The following ARAP2 variants were observed in gnomAD, a reference collection of about 807,000 sequenced individuals.
ARAP2 encodes ArfGAP with RhoGAP domain, ankyrin repeat and PH domain 2.
In ARAP2, 148 loss-of-function variants were observed where a neutral mutation model predicts 194.5. The observed-to-expected ratio is 0.76, with a 90% CI of 0.67 to 0.87. The LOEUF is 0.87. Among genes scored for constraint, ARAP2 ranks in the 40% least tolerant of loss-of-function variants. The pLI, the probability that ARAP2 is intolerant of heterozygous loss-of-function variation, is 0.00. For synonymous variants in ARAP2, 695 were observed against 683.5 expected, an observed-to-expected ratio of 1.02 and a Z score of -0.26; for missense variants, 2,128 against 1,989.7, an observed-to-expected ratio of 1.07 and a Z score of -1.32.
intron 27 of ARAP2, among the ~76,000 whole-genome samples, chr4:36,094,447 A>G (rs1714642307): frequency 6.6e-6 from 1 of 151,686 alleles, no homozygotes; most frequent in South Asian, 2.1e-4. Context: ...CTTAGGGGAA[A>G]CTCCTCTCCA....
At chr4:36,092,713 G>A (rs1047629408) in intron 27 of ARAP2, among the ~76,000 whole-genome samples, 3 of 152,024 alleles carry the variant, frequency 2.0e-5, no homozygotes, top group African/African-American at 7.2e-5. Flanking sequence ...AAACATACTG[G>A]TAATTTTACC....
rs1725845891 is a variant in ARAP2 at position 36,133,229 on chromosome 4, A to T, written c.3424T>A (p.Tyr1142Asn). The change falls in exon 20 of 33, where the codon TAT becomes AAT. Residue 1142 changes from tyrosine (Y) to asparagine (N), a missense_variant. Tyr to Asn is a moderately radical substitution (Grantham distance 143). Coordinates refer to ENST00000303965, the MANE Select transcript of ARAP2 (RefSeq NM_015230.4). ...ATAAAAACTCAGTGATACTTACCAT[A>T]CTGTGTAACAAATGCTATACAGCTG... ...VNSCIAFVTQ[Y>N]GLGCKYIYQK... 6.2e-7 allele frequency: 1 copy of T among 1,610,206 alleles called. No individual in the cohort carries two copies. Among genetic ancestry groups the T allele is most frequent in the Non-Finnish European group, 8.5e-7 (1 of 1,177,604 alleles).
chr4:36,174,365 GGAT>G (rs1266330727), intron 9 of ARAP2, among the ~76,000 whole-genome samples: 1 of 152,108 alleles, frequency 6.6e-6, no homozygotes, highest in Non-Finnish European at 1.5e-5. Context: ...AATATTTAAG[GGAT>G]GACATTTAAT....
chr4:36,086,795 T>C (rs749937556), intron 28 of ARAP2, among the ~76,000 whole-genome samples: 14 of 152,102 alleles, frequency 9.2e-5, no homozygotes, highest in Non-Finnish European at 1.9e-4. Flanking sequence ...AATGATCCCC[T>C]TTACCCATTT....
intron 5 of ARAP2, among the ~76,000 whole-genome samples, chr4:36,035,825 G>C (rs1165153125): frequency 6.6e-6 from 1 of 152,120 alleles, no homozygotes; most frequent in Admixed American, 6.6e-5. Context: ...GGAATATGAT[G>C]CAAGGTAGTT....
At chr4:36,070,392 GA>G (rs1726563379) in intron 32 of ARAP2, among the ~76,000 whole-genome samples, 1 of 152,216 alleles carries the variant, frequency 6.6e-6, no homozygotes, top group Non-Finnish European at 1.5e-5. Flanking sequence ...AAAAGAGAGA[GA>G]GATAAAGTCT....
intron 11 of ARAP2, 108 bp downstream of exon 11, chr4:36,164,806 G>A: frequency 9.2e-7 from 1 of 1,081,812 alleles, no homozygotes; most frequent in Non-Finnish European, 1.3e-6. Context: ...GCTTTCTCTG[G>A]TTTTACTTCT....
At chr4:36,099,359 A>C (rs1390386543) in intron 27 of ARAP2, among the ~76,000 whole-genome samples, 1 of 152,110 alleles carries the variant, frequency 6.6e-6, no homozygotes, top group Non-Finnish European at 1.5e-5. Flanking sequence ...TGTATTTTGA[A>C]AGAAAATATT....
At chr4:36,207,314 A>G (rs1421561652) in intron 6 of ARAP2, among the ~76,000 whole-genome samples, 1 of 152,264 alleles carries the variant, frequency 6.6e-6, no homozygotes, top group African/African-American at 2.4e-5. Flanking sequence ...AGTATCACTT[A>G]TTAAGCTTTT....
In ARAP2 at chr4:36,067,939, T is replaced by G; in HGVS notation, c.5083A>C (p.Lys1695Gln). 1.3e-6 allele frequency: 2 copies of G among 1,593,242 alleles called. No homozygotes were observed. Among genetic ancestry groups the G allele is most frequent in the Non-Finnish European group, 1.7e-6 (2 of 1,168,854 alleles). The change falls in exon 33 of 33, where the codon AAA (lysine) becomes CAA (glutamine). Residue 1695 changes from lysine (K) to glutamine (Q), a missense_variant. Physicochemically the swap from Lys to Gln is moderately conservative, Grantham distance 53. Coordinates refer to ENST00000303965, the MANE Select transcript of ARAP2 (RefSeq NM_015230.4). Reference sequence around the variant, plus strand: ...AAAATCTGCTCATCCTGTAATTCTTTTGGAAGGGTTCTTGACCGTTGTAGA... The same window carrying G: ...AAAATCTGCTCATCCTGTAATTCTTGTGGAAGGGTTCTTGACCGTTGTAGA... Reference protein sequence around the residue: ...VVLQRSRTLPKELQDEQILK With the variant: ...VVLQRSRTLPQELQDEQILK
intron 1 of ARAP2, among the ~76,000 whole-genome samples, chr4:36,243,234 G>A (rs997371590): frequency 6.6e-6 from 1 of 151,778 alleles, no homozygotes; most frequent in Non-Finnish European, 1.5e-5. Context: ...AATCAATACT[G>A]AGCTTGTAAG....
intron 1 of ARAP2, among the ~76,000 whole-genome samples, chr4:36,236,656 A>C (rs1752512325): frequency 6.6e-6 from 1 of 152,232 alleles, no homozygotes; most frequent in East Asian, 1.9e-4. Context: ...TATCAATACA[A>C]GTCTTACAAA....
At chr4:36,099,266 G>T (rs1224823372) in intron 27 of ARAP2, among the ~76,000 whole-genome samples, 1 of 152,080 alleles carries the variant, frequency 6.6e-6, no homozygotes, top group Non-Finnish European at 1.5e-5. Flanking sequence ...GTATTCCATG[G>T]TGTATATGTA....
At chr4:36,017,080 G>A (rs1481280087) in intron 6 of ARAP2, among the ~76,000 whole-genome samples, 1 of 150,528 alleles carries the variant, frequency 6.6e-6, no homozygotes, top group Non-Finnish European at 1.5e-5. Flanking sequence ...AAATCCTGAA[G>A]CCCAGCACAT....
At chr4:36,063,846 A>G (rs753693635), downstream of ARAP2, among the ~76,000 whole-genome samples, 3 of 152,234 alleles carry the variant, frequency 2.0e-5, no homozygotes, top group Non-Finnish European at 4.4e-5. Context: ...AGATGGTGAA[A>G]GTTTTAATCT....
chr4:36,034,211 T>C (rs138190474), intron 5 of ARAP2, among the ~76,000 whole-genome samples: 29 of 152,264 alleles, frequency 1.9e-4, no homozygotes, highest in African/African-American at 6.0e-4. Flanking sequence ...AGGAATAGCA[T>C]TGAATCATAA....
chr4:36,095,976 T>C (rs938576959), intron 27 of ARAP2, among the ~76,000 whole-genome samples: 17 of 152,074 alleles, frequency 1.1e-4, no homozygotes, highest in African/African-American at 3.9e-4. Context: ...CTGTATCAGG[T>C]CTATCAGTTT....
At chr4:36,117,988 T>G (rs1211675585) in intron 24 of ARAP2, among the ~76,000 whole-genome samples, 1 of 151,464 alleles carries the variant, frequency 6.6e-6, no homozygotes, top group Admixed American at 6.6e-5. Context: ...TCACCTGATT[T>G]AAATAAAAAA....
intron 27 of ARAP2, among the ~76,000 whole-genome samples, chr4:36,097,431 C>T (rs1261815204): frequency 6.6e-6 from 1 of 152,080 alleles, no homozygotes; most frequent in Non-Finnish European, 1.5e-5. Context: ...AATAAAGCTA[C>T]ACACGTTGGG....
Sources: gnomAD v4.1 joint callset for allele counts (sites outside exome capture counted in the v4.1 genomes callset) on GRCh38, gnomAD v4.1.1 for gene constraint, MANE v1.5 for transcripts, NCBI Gene and HGNC (gene_info 2026-07-23, HGNC 2026-07-21) for gene names.